The following NTM variants were observed in gnomAD, a reference collection of about 807,000 sequenced individuals.
NTM encodes IgLON family member 2.
In NTM, 13 loss-of-function variants were observed where a neutral mutation model predicts 42.1. The observed-to-expected ratio is 0.31, with a 90% CI of 0.20 to 0.49. The LOEUF (loss-of-function observed/expected upper bound fraction) is 0.49. Ranked by LOEUF, NTM falls within the 20% of genes least tolerant of loss-of-function variation. The pLI is 0.99. For missense variants in NTM, 373 were observed against 452.8 expected, an observed-to-expected ratio of 0.82 and a Z score of 1.60; for synonymous variants, 187 against 179.2, an observed-to-expected ratio of 1.04 and a Z score of -0.35.
intron 1 of NTM, among the ~76,000 whole-genome samples, chr11:131,555,559 A>G (rs2055295993): frequency 6.6e-6 from 1 of 152,160 alleles, no homozygotes. Context: ...TGGCATACCC[A>G]ATGACAGGTA....
At chr11:131,386,163 G>C (rs893798501) in intron 1 of NTM, among the ~76,000 whole-genome samples, 7 of 152,224 alleles carry the variant, frequency 4.6e-5, no homozygotes, top group South Asian at 4.1e-4. Flanking sequence ...TCTGACACAT[G>C]CTGCAGCATG....
intron 1 of NTM, among the ~76,000 whole-genome samples, chr11:131,471,515 G>A (rs1369345302): frequency 2.6e-5 from 4 of 152,162 alleles, no homozygotes; most frequent in Non-Finnish European, 5.9e-5. Context: ...AGTGTGTAAC[G>A]GAAAGCCCAC....
intron 1 of NTM, among the ~76,000 whole-genome samples, chr11:131,892,568 A>G (rs2051535144): frequency 6.6e-6 from 1 of 152,228 alleles, no homozygotes; most frequent in South Asian, 2.1e-4. Context: ...GGGTGCCCCC[A>G]GTGCCTCTAA....
intron 1 of NTM, among the ~76,000 whole-genome samples, chr11:131,429,693 GCAAA>G (rs1167305203): frequency 1.3e-5 from 2 of 152,114 alleles, no homozygotes; most frequent in Non-Finnish European, 2.9e-5. Context: ...GGTCTCTCGT[GCAAA>G]CAAATGGTAA....
intron 1 of NTM, among the ~76,000 whole-genome samples, chr11:131,494,108 A>G (rs985965982): frequency 3.3e-5 from 5 of 152,194 alleles, no homozygotes; most frequent in African/African-American, 1.2e-4. Flanking sequence ...TCAAGATCTT[A>G]TATATCCTTT....
At chr11:131,714,297 T>G (rs910652416) in intron 1 of NTM, among the ~76,000 whole-genome samples, 1 of 152,102 alleles carries the variant, frequency 6.6e-6, no homozygotes, top group African/African-American at 2.4e-5. Flanking sequence ...CAAGCGATTC[T>G]CTGACTTTAG....
intron 1 of NTM, chr11:131,671,498 T>C (rs1004304838): frequency 1.0e-6 from 1 of 985,014 alleles, no homozygotes; most frequent in African/African-American, 1.8e-5. Flanking sequence ...AGCCCTGGGC[T>C]GGCAGGGCCT....
rs565293037 is a variant in NTM at position 132,245,938 on chromosome 11, T to C, written c.526+33791T>C. 3.3e-5 allele frequency among the ~76,000 whole-genome samples: 5 copies of C among 152,286 alleles called. No homozygotes were observed. The South Asian group carries it at 8.3e-4, about 25-fold the overall frequency. On this transcript the variant is annotated intron_variant, in intron 4 of 8. Transcript: ENST00000683400. ...GCCCGCAGGATTTGATCTTCTCTAC[T>C]CATCCCAGCTGCCGCGTCAGGATCT... is the stretch of plus-strand genomic sequence containing the variant.
chr11:131,417,953 T>G (rs929092524), intron 1 of NTM, among the ~76,000 whole-genome samples: 2 of 152,206 alleles, frequency 1.3e-5, no homozygotes, highest in African/African-American at 2.4e-5. Flanking sequence ...CTGACAAGTT[T>G]TGTTACAGGT....
At chr11:132,008,848 T>G (rs1220341793) in intron 2 of NTM, among the ~76,000 whole-genome samples, 1 of 151,938 alleles carries the variant, frequency 6.6e-6, no homozygotes, top group Admixed American at 6.6e-5. Flanking sequence ...CTTTTCCTTT[T>G]CTTTCTTTCC....
At chr11:131,770,964 A>G (rs2085984134) in intron 1 of NTM, 1 of 152,172 alleles carries the variant, frequency 6.6e-6, no homozygotes, top group Non-Finnish European at 1.5e-5. Flanking sequence ...GGTTTTTTGC[A>G]GATCTTCAGA....
chr11:132,135,368 C>A (rs12799733), intron 2 of NTM, among the ~76,000 whole-genome samples: 48,754 of 152,106 alleles, frequency 0.32, 8,466 homozygotes, highest in Non-Finnish European at 0.39. Context: ...AGAGTTCCTT[C>A]TGATCACAAA....
chr11:131,771,680 G>T (rs1382130514), intron 1 of NTM: 1 of 152,250 alleles, frequency 6.6e-6, no homozygotes, highest in Non-Finnish European at 1.5e-5. Flanking sequence ...CTCCTCAGAG[G>T]TCTTCCTTAG....
At position 131,957,700 on chromosome 11, in the gene NTM, C is replaced by T. The variant is rs112745474; in HGVS notation, c.167+46052C>T. Among the ~76,000 whole-genome samples, 565 of 152,276 alleles carry T rather than the reference C, an allele frequency of 3.7e-3. 4 individuals carry two copies. Among genetic ancestry groups the T allele is most frequent in the African/African-American group, 0.013 (527 of 41,546 alleles). On this transcript the variant is annotated intron_variant, in intron 2 of 8. Transcript: ENST00000683400. ...AAATGTCCACTGTTTTTATATCTCC[C>T]CCTCCTACCCTAGAAAATTTCAGAA...
chr11:131,766,766 C>T (rs2085180752), intron 1 of NTM, among the ~76,000 whole-genome samples: 1 of 152,138 alleles, frequency 6.6e-6, no homozygotes, highest in Admixed American at 6.5e-5. Context: ...GTTCTCTCTC[C>T]TTTCCACTGA....
At position 132,335,958 on chromosome 11, in the gene NTM, C is replaced by T. The variant is rs553625284; in HGVS notation, c.*812C>T. 2 of 152,512 alleles carry T rather than the reference C, an allele frequency of 1.3e-5. No individual in the cohort carries two copies. Among genetic ancestry groups the T allele is most frequent in the Non-Finnish European group, 2.9e-5 (2 of 68,004 alleles). 9.4% of individuals were successfully genotyped at this position (152,512 alleles called of 1,614,324 possible). Reference sequence around the variant, plus strand: ...AGGTTTACAACTGGTGGACCACACACCAGGCACTAATCACCTGGTGAGGAT... The same window carrying T: ...AGGTTTACAACTGGTGGACCACACATCAGGCACTAATCACCTGGTGAGGAT... On this transcript the variant is annotated 3_prime_UTR_variant, in exon 9 of 9. Transcript: ENST00000683400.
chr11:131,826,798 T>C (rs921638475), intron 1 of NTM, among the ~76,000 whole-genome samples: 5 of 152,100 alleles, frequency 3.3e-5, no homozygotes, highest in Non-Finnish European at 4.4e-5. Context: ...TGCCAGAGTG[T>C]TGGCCCTCTG....
At chr11:132,211,521 G>A (rs951031077) in intron 3 of NTM, among the ~76,000 whole-genome samples, 2 of 152,232 alleles carry the variant, frequency 1.3e-5, no homozygotes, top group African/African-American at 4.8e-5. Flanking sequence ...CAGCAGAGGT[G>A]GGATCACTGG....
At chr11:132,000,741 G>C (rs897048150) in intron 2 of NTM, among the ~76,000 whole-genome samples, 1 of 152,184 alleles carries the variant, frequency 6.6e-6, no homozygotes, top group Admixed American at 6.5e-5. Flanking sequence ...GGTACCAGGG[G>C]ACATGGAGAT....
Sources: allele counts gnomAD v4.1 joint callset (sites outside exome capture counted in the v4.1 genomes callset), GRCh38; gene constraint gnomAD v4.1.1; transcripts MANE v1.5; gene names NCBI Gene and HGNC (gene_info 2026-07-23, HGNC 2026-07-21).